The following CEMIP variants were observed in gnomAD, a reference collection of about 807,000 sequenced individuals.
CEMIP encodes the protein cell migration inducing hyaluronidase 1, also known as cell migration-inducing and hyaluronan-binding protein.
A neutral mutation model predicts 156.9 loss-of-function variants in CEMIP; 105 were observed. The observed-to-expected ratio is 0.67, with a 90% CI of 0.57 to 0.79. CEMIP has a LOEUF of 0.79. CEMIP is among the 30% of genes least tolerant of loss of function. The pLI is 0.00. For missense variants in CEMIP, 1,457 were observed against 1,769.4 expected (o/e 0.82, Z 3.17); for synonymous variants, 676 against 668.4 (o/e 1.01, Z -0.17).
At chr15:80,848,326 G>A (rs538494683) in intron 1 of CEMIP, among the ~76,000 whole-genome samples, 1 of 152,286 alleles carries the variant, frequency 6.6e-6, no homozygotes, top group South Asian at 2.1e-4. Context: ...ACGGACTGAT[G>A]AGAGATTTAG....
intron 1 of CEMIP, among the ~76,000 whole-genome samples, chr15:80,841,476 C>G (rs1897415708): frequency 6.6e-6 from 1 of 152,214 alleles, no homozygotes; most frequent in Admixed American, 6.5e-5. Context: ...CTTCTTGGTT[C>G]CCGTCCACTC....
chr15:80,925,882 C>T (rs904875075), intron 19 of CEMIP, 127 bp downstream of exon 19: 1 of 1,365,492 alleles, frequency 7.3e-7, no homozygotes, highest in East Asian at 2.5e-5. Flanking sequence ...GCCTTCTGGT[C>T]CCCCAGCCAG....
Position 80,921,927 on chromosome 15 carries a change from G to A in CEMIP, c.2074-82G>A, listed in dbSNP as rs961709671. 93 of 1,590,924 alleles carry A rather than the reference G, an allele frequency of 5.8e-5. 1 individual carries two copies. The South Asian group carries it at 8.6e-4, about 15-fold the overall frequency. On this transcript the variant is annotated intron_variant, in intron 16 of 29. Coordinates refer to ENST00000394685, the MANE Select transcript of CEMIP (RefSeq NM_001293298.2). The stretch of plus-strand genomic sequence containing the variant: ...GGCAGTAGCTACTAGACCCATCTCC[G>A]GCGTGGGCCGCGTGGCCACCTTGCC...
chr15:80,781,058 C>T (rs753033987), intron 1 of CEMIP, among the ~76,000 whole-genome samples: 23 of 152,144 alleles, frequency 1.5e-4, no homozygotes, highest in Admixed American at 2.0e-4. Flanking sequence ...CACGGAGACC[C>T]CTCAGAGCTG....
chr15:80,823,367 G>C (rs1324011854), intron 1 of CEMIP, among the ~76,000 whole-genome samples: 2 of 152,230 alleles, frequency 1.3e-5, no homozygotes, highest in African/African-American at 4.8e-5. Flanking sequence ...GGCCTTTGGA[G>C]ATGATGCCGT....
At chr15:80,887,584 G>GTC in intron 7 of CEMIP, 110 bp from the exon 8 acceptor site, 9 of 785,700 alleles carry the variant, frequency 1.1e-5, no homozygotes, top group Non-Finnish European at 2.0e-5. Flanking sequence ...CAGCAGGGAG[G>GTC]GACCCTCCTT....
chr15:80,896,698 G>T (rs1377524719), intron 12 of CEMIP, among the ~76,000 whole-genome samples: 1 of 152,150 alleles, frequency 6.6e-6, no homozygotes, highest in African/African-American at 2.4e-5. Flanking sequence ...TATAATCCAG[G>T]TCAATTATTC....
chr15:80,798,218 G>A (rs981078385), intron 1 of CEMIP, among the ~76,000 whole-genome samples: 1 of 152,084 alleles, frequency 6.6e-6, no homozygotes, highest in African/African-American at 2.4e-5. Flanking sequence ...TATTTTTCTA[G>A]TGTTATTACT....
At chr15:80,843,965 G>A (rs1897491850) in intron 1 of CEMIP, among the ~76,000 whole-genome samples, 1 of 152,258 alleles carries the variant, frequency 6.6e-6, no homozygotes, top group African/African-American at 2.4e-5. Context: ...AGGCTTCCTG[G>A]CAAATTAGTG....
At chr15:80,783,852 C>A (rs1895858904) in intron 1 of CEMIP, among the ~76,000 whole-genome samples, 1 of 152,186 alleles carries the variant, frequency 6.6e-6, no homozygotes, top group East Asian at 1.9e-4. Flanking sequence ...ATCAAATATA[C>A]ATTTGCTGTC....
At chr15:80,876,099 C>A (rs1391477342) in intron 3 of CEMIP, among the ~76,000 whole-genome samples, 1 of 152,220 alleles carries the variant, frequency 6.6e-6, no homozygotes, top group Non-Finnish European at 1.5e-5. Flanking sequence ...TGGCTCCTTC[C>A]CAGCATATTC....
Position 80,905,035 on chromosome 15 carries a change from T to C in CEMIP, c.1412-1628T>C, listed in dbSNP as rs1229934274. Among the ~76,000 whole-genome samples the C allele has an allele frequency of 3.9e-5, 6 of 152,290 alleles. No individual in the cohort carries two copies. The South Asian group carries it at 8.3e-4, about 21-fold the overall frequency. On this transcript the variant is annotated intron_variant, in intron 12 of 29. Transcript: ENST00000394685. ...GAAGAGTAAACATCCCTAGAAACAC[T>C]GCAGGCATACAGGATATGCGCAGGG...
intron 25 of CEMIP, among the ~76,000 whole-genome samples, chr15:80,938,695 T>A (rs1040211226): frequency 1.3e-5 from 2 of 152,184 alleles, no homozygotes; most frequent in African/African-American, 4.8e-5. Context: ...CTGTCTGTCT[T>A]CAAAGCCCTC....
intron 1 of CEMIP, among the ~76,000 whole-genome samples, chr15:80,862,413 G>A (rs1490922724): frequency 2.0e-5 from 3 of 152,192 alleles, no homozygotes; most frequent in East Asian, 3.9e-4. Context: ...ACTCAAAGTC[G>A]GGGCTGGAGG....
intron 1 of CEMIP, among the ~76,000 whole-genome samples, chr15:80,814,930 C>G (rs1414182796): frequency 6.6e-6 from 1 of 152,206 alleles, no homozygotes; most frequent in East Asian, 1.9e-4. Context: ...CAGTGATCCT[C>G]CCCTCTTGGC....
intron 1 of CEMIP, among the ~76,000 whole-genome samples, chr15:80,831,336 G>C (rs1276873072): frequency 6.6e-6 from 1 of 152,166 alleles, no homozygotes; most frequent in African/African-American, 2.4e-5. Flanking sequence ...AGGATAGAGA[G>C]AGCCTGTGAG....
chr15:80,829,993 TGTGTGTGTGCGC>T (rs1220347855), intron 1 of CEMIP, among the ~76,000 whole-genome samples: 31 of 149,928 alleles, frequency 2.1e-4, no homozygotes, highest in Admixed American at 5.3e-4. Flanking sequence ...TGTGTGTGTG[TGTGTGTGTGCGC>T]GCATGTCCTT....
chr15:80,877,605 C>T (rs1898517564), intron 3 of CEMIP, among the ~76,000 whole-genome samples: 1 of 152,192 alleles, frequency 6.6e-6, no homozygotes. Flanking sequence ...CTGGATTTTC[C>T]ATGCTATTGA....
chr15:80,909,706 T>C, intron 14 of CEMIP: 1 of 442,460 alleles, frequency 2.3e-6, no homozygotes, highest in Non-Finnish European at 4.6e-6. Context: ...GTGACAACAA[T>C]GGGCTTTTTT....
Sources: gnomAD v4.1 joint callset for allele counts (sites outside exome capture counted in the v4.1 genomes callset) on GRCh38, gnomAD v4.1.1 for gene constraint, MANE v1.5 for transcripts, NCBI Gene and HGNC (gene_info 2026-07-23, HGNC 2026-07-21) for gene names.